Variants in ZRANB3 observed in about 807,000 individuals in gnomAD.
The protein encoded by ZRANB3 is zinc finger RANBP2-type containing 3, also known as DNA annealing helicase and endonuclease ZRANB3.
In ZRANB3, 125 loss-of-function variants were observed where a neutral mutation model predicts 133.8. The observed-to-expected ratio is 0.93, with a 90% confidence interval of 0.81 to 1.08. ZRANB3 has a LOEUF of 1.08. Ranked by LOEUF, ZRANB3 falls within the 50% of genes least tolerant of loss-of-function variation. ZRANB3 has a pLI of 0.00. For missense variants in ZRANB3, 1,229 were observed against 1,275.5 expected (o/e 0.96, Z 0.56); for synonymous variants, 387 against 432.7 (o/e 0.89, Z 1.31).
At chr2:135,478,002 A>C (rs1025488617) in intron 2 of ZRANB3, among the ~76,000 whole-genome samples, 3 of 152,176 alleles carry the variant, frequency 2.0e-5, no homozygotes, top group Admixed American at 6.5e-5. Flanking sequence ...AAACAAAAAA[A>C]GAAAAGAAAA....
chr2:135,521,106 C>T (rs1188660488), intron 1 of ZRANB3, among the ~76,000 whole-genome samples: 1 of 152,094 alleles, frequency 6.6e-6, no homozygotes, highest in African/African-American at 2.4e-5. Context: ...TTTAAAAGTT[C>T]AGAAATGTTA....
intron 12 of ZRANB3, among the ~76,000 whole-genome samples, chr2:135,259,260 C>T (rs924367951): frequency 3.2e-4 from 48 of 152,118 alleles, no homozygotes; most frequent in African/African-American, 1.1e-3. Context: ...AACATCTGGG[C>T]TCAATGGAGA....
intron 14 of ZRANB3, among the ~76,000 whole-genome samples, chr2:135,225,812 CA>C (rs1319760227): frequency 6.6e-6 from 1 of 152,072 alleles, no homozygotes; most frequent in Non-Finnish European, 1.5e-5. Context: ...GAGGAATAAC[CA>C]AAATATCTTA....
intron 1 of ZRANB3, among the ~76,000 whole-genome samples, chr2:135,508,769 G>C (rs1226759511): frequency 6.6e-6 from 1 of 151,860 alleles, no homozygotes; most frequent in Non-Finnish European, 1.5e-5. Flanking sequence ...GTGTAATAAA[G>C]AATATCTCAT....
intron 2 of ZRANB3, among the ~76,000 whole-genome samples, chr2:135,399,539 A>G (rs1283014800): frequency 6.6e-6 from 1 of 152,202 alleles, no homozygotes; most frequent in Non-Finnish European, 1.5e-5. Flanking sequence ...GTCTTTTCAT[A>G]GGCATGCCAC....
At chr2:135,318,013 C>T (rs1007383163) in intron 6 of ZRANB3, among the ~76,000 whole-genome samples, 23 of 151,980 alleles carry the variant, frequency 1.5e-4, no homozygotes, top group African/African-American at 5.3e-4. Flanking sequence ...CACCTGTAAA[C>T]CTTTAGTCTC....
In ZRANB3 at chr2:135,200,443, A is replaced by G. The variant is rs1693571943; in HGVS notation, c.3142-3T>C. ...TCCTTAGCTTGTCTGGCAGTTCTCTAAAAGTTAAAAAATATGCATGTGTAC... is the reference window on the plus strand; with the variant it reads ...TCCTTAGCTTGTCTGGCAGTTCTCTGAAAGTTAAAAAATATGCATGTGTAC... On this transcript the variant is annotated splice_polypyrimidine_tract_variant and splice_region_variant and intron_variant, in intron 20 of 20. Transcript: ENST00000264159. The G allele has an allele frequency of 6.3e-7, 1 of 1,591,160 alleles. No individual in the cohort carries two copies. The highest frequency in any genetic ancestry group is 8.6e-7 in the Non-Finnish European group (1 of 1,167,404).
At chr2:135,463,736 C>T (rs1559016191) in intron 2 of ZRANB3, among the ~76,000 whole-genome samples, 1 of 152,172 alleles carries the variant, frequency 6.6e-6, no homozygotes, top group Non-Finnish European at 1.5e-5. Flanking sequence ...TCTTACTTAA[C>T]AACTGCCTGT....
chr2:135,389,065 G>A (rs1687108717), intron 3 of ZRANB3, among the ~76,000 whole-genome samples: 2 of 152,080 alleles, frequency 1.3e-5, no homozygotes, highest in Middle Eastern at 3.4e-3. Flanking sequence ...GCGACAGAGC[G>A]AGACTCCTTC....
intron 3 of ZRANB3, among the ~76,000 whole-genome samples, chr2:135,382,458 G>T (rs1039109930): frequency 5.3e-5 from 8 of 152,066 alleles, no homozygotes; most frequent in Admixed American, 3.9e-4. Flanking sequence ...ATCTAGCAAG[G>T]CAGGCCAACA....
At chr2:135,429,430 A>C (rs1232995322) in intron 2 of ZRANB3, among the ~76,000 whole-genome samples, 1 of 152,098 alleles carries the variant, frequency 6.6e-6, no homozygotes, top group Non-Finnish European at 1.5e-5. Flanking sequence ...TATGCTTATC[A>C]CTTAGATGTC....
chr2:135,462,366 T>C (rs1559015231), intron 2 of ZRANB3, among the ~76,000 whole-genome samples: 1 of 152,178 alleles, frequency 6.6e-6, no homozygotes, highest in Non-Finnish European at 1.5e-5. Flanking sequence ...AATCTTTGGC[T>C]ACAATTCCAC....
intron 8 of ZRANB3, among the ~76,000 whole-genome samples, chr2:135,287,670 C>CTTTTTTTTTTTTTTTTTTTTTTTTTTT (rs59739293): frequency 1.0e-5 from 1 of 98,058 alleles, no homozygotes; most frequent in Non-Finnish European, 2.0e-5. Context: ...TATTTCTTTC[C>CTTTTTTTTTTTTTTTTTTTTTTTTTTT]TTTTTTTTTT....
intron 2 of ZRANB3, among the ~76,000 whole-genome samples, chr2:135,500,175 C>G (rs920254259): frequency 4.6e-5 from 7 of 151,970 alleles, no homozygotes; most frequent in Admixed American, 4.6e-4. Context: ...TTTAAGCCAC[C>G]CAGTTGCGGT....
At chr2:135,248,002 GC>G (rs1484252790) in intron 12 of ZRANB3, among the ~76,000 whole-genome samples, 1 of 152,160 alleles carries the variant, frequency 6.6e-6, no homozygotes, top group African/African-American at 2.4e-5. Flanking sequence ...TCCTTCAGGT[GC>G]CTTTGGACCA....
chr2:135,360,525 G>A (rs1685642751), intron 3 of ZRANB3, among the ~76,000 whole-genome samples: 1 of 151,690 alleles, frequency 6.6e-6, no homozygotes, highest in South Asian at 2.1e-4. Context: ...CTAACACGGT[G>A]AAACCCCATC....
chr2:135,369,176 A>C (rs1333077969), intron 3 of ZRANB3, among the ~76,000 whole-genome samples: 1 of 152,104 alleles, frequency 6.6e-6, no homozygotes, highest in Non-Finnish European at 1.5e-5. Context: ...TTAAAAAAAC[A>C]GAAATACATA....
At chr2:135,406,773 C>G (rs1574053924) in intron 2 of ZRANB3, among the ~76,000 whole-genome samples, 3 of 152,138 alleles carry the variant, frequency 2.0e-5, no homozygotes, top group Admixed American at 6.5e-5. Flanking sequence ...ATTCAACAAC[C>G]CTTCATGCTA....
At chr2:135,241,037 A>T (rs1695527755) in intron 12 of ZRANB3, among the ~76,000 whole-genome samples, 1 of 152,142 alleles carries the variant, frequency 6.6e-6, no homozygotes, top group Non-Finnish European at 1.5e-5. Flanking sequence ...ACCTCTATAT[A>T]GTCTATATTT....
Sources: allele counts gnomAD v4.1 joint callset (sites outside exome capture counted in the v4.1 genomes callset), GRCh38; gene constraint gnomAD v4.1.1; transcripts MANE v1.5; gene names NCBI Gene and HGNC (gene_info 2026-07-23, HGNC 2026-07-21).